Variants in CTNND2 observed in about 807,000 individuals in gnomAD.
CTNND2 encodes the protein catenin delta-2.
Under a neutral mutation model 144.4 loss-of-function variants are expected in CTNND2, and 22 were observed. The observed-to-expected ratio is 0.15, with a 90% CI of 0.11 to 0.22. The LOEUF (loss-of-function observed/expected upper bound fraction) is 0.22. CTNND2 is among the 10% of genes least tolerant of loss of function. The pLI is 1.00. For synonymous variants in CTNND2, 751 were observed against 695.6 expected (o/e 1.08, Z -1.25); for missense variants, 1,353 against 1,618.8 (o/e 0.84, Z 2.82).
intron 3 of CTNND2, among the ~76,000 whole-genome samples, chr5:11,443,448 ATGTC>A (rs1170479345): frequency 1.2e-4 from 17 of 136,274 alleles, no homozygotes; most frequent in East Asian, 8.8e-4. Flanking sequence ...TGGTGTGTGT[ATGTC>A]TGTGCGGTGT....
chr5:11,462,075 C>G (rs1766271183), intron 3 of CTNND2, among the ~76,000 whole-genome samples: 1 of 152,038 alleles, frequency 6.6e-6, no homozygotes, highest in Non-Finnish European at 1.5e-5. Context: ...AGGGCCTCCA[C>G]AGAGGGTTCC....
intron 1 of CTNND2, among the ~76,000 whole-genome samples, chr5:11,769,203 C>T (rs1480480018): frequency 6.6e-6 from 1 of 152,070 alleles, no homozygotes; most frequent in Non-Finnish European, 1.5e-5. Flanking sequence ...GCTTTGAAAA[C>T]CCAGACACAG....
At chr5:11,555,902 C>T (rs1193175139) in intron 3 of CTNND2, among the ~76,000 whole-genome samples, 1 of 152,110 alleles carries the variant, frequency 6.6e-6, no homozygotes, top group Non-Finnish European at 1.5e-5. Flanking sequence ...CAAAATATGT[C>T]TATAGTCCCT....
chr5:11,585,046 T>C (rs1289202474), intron 2 of CTNND2, among the ~76,000 whole-genome samples: 1 of 152,176 alleles, frequency 6.6e-6, no homozygotes, highest in Non-Finnish European at 1.5e-5. Context: ...ATTACAATAA[T>C]GGCCATGCTT....
chr5:11,142,756 G>A (rs945257092), intron 12 of CTNND2, among the ~76,000 whole-genome samples: 2 of 151,874 alleles, frequency 1.3e-5, no homozygotes, highest in Non-Finnish European at 2.9e-5. Flanking sequence ...TGGGACTACA[G>A]GCGCGCGCCA....
At chr5:11,293,667 G>A (rs895563597) in intron 9 of CTNND2, among the ~76,000 whole-genome samples, 7 of 150,744 alleles carry the variant, frequency 4.6e-5, no homozygotes, top group African/African-American at 2.4e-5. Context: ...AATGAAAAAA[G>A]CATTCAACAG....
chr5:11,796,336 T>A (rs1791401803), intron 1 of CTNND2, among the ~76,000 whole-genome samples: 3 of 152,222 alleles, frequency 2.0e-5, no homozygotes, highest in Non-Finnish European at 4.4e-5. Context: ...TGCCTACACA[T>A]GCTAGTCCAC....
intron 18 of CTNND2, among the ~76,000 whole-genome samples, chr5:11,001,213 G>A (rs75508333): frequency 0.015 from 2,290 of 152,244 alleles, 23 homozygotes; most frequent in Middle Eastern, 0.044. Flanking sequence ...TTTTCTACCT[G>A]TTAAATCTTA....
chr5:11,469,642 G>T (rs1766982696), intron 3 of CTNND2, among the ~76,000 whole-genome samples: 1 of 152,130 alleles, frequency 6.6e-6, no homozygotes, highest in Non-Finnish European at 1.5e-5. Context: ...CACAGTTAAG[G>T]CCAGCTTCTC....
At chr5:11,359,973 G>C (rs1756280983) in intron 8 of CTNND2, among the ~76,000 whole-genome samples, 1 of 152,134 alleles carries the variant, frequency 6.6e-6, no homozygotes, top group Non-Finnish European at 1.5e-5. Context: ...CTGCTCCTTG[G>C]ACATTACATA....
chr5:11,633,900 GGT>G (rs1347983257), intron 2 of CTNND2, among the ~76,000 whole-genome samples: 2 of 152,146 alleles, frequency 1.3e-5, no homozygotes, highest in Non-Finnish European at 2.9e-5. Context: ...AGGCTTCAGT[GGT>G]TTGGAATGGA....
chr5:11,739,437 T>C (rs539752743), intron 1 of CTNND2, among the ~76,000 whole-genome samples: 11 of 152,294 alleles, frequency 7.2e-5, no homozygotes, highest in Non-Finnish European at 1.5e-4. Flanking sequence ...AAAGGCAACC[T>C]TGCCTGCAAA....
chr5:11,031,313 G>A (rs1743452215), intron 16 of CTNND2, among the ~76,000 whole-genome samples: 1 of 152,096 alleles, frequency 6.6e-6, no homozygotes, highest in African/African-American at 2.4e-5. Flanking sequence ...TAGAGGACGG[G>A]GTCTTTTGTG....
chr5:11,350,697 T>C (rs551591650), intron 8 of CTNND2, among the ~76,000 whole-genome samples: 2 of 152,238 alleles, frequency 1.3e-5, no homozygotes, highest in Admixed American at 1.3e-4. Context: ...ATGAAAATAA[T>C]GTAAAATACC....
Position 10,973,088 on chromosome 5 carries a change from G to C in CTNND2, c.*365C>G, listed in dbSNP as rs889882699. ...TGAGAAGCCGTCCCCCACACAGTGT[G>C]TAAACTATTCTGTGTCTTGTGCTTA... On this transcript the variant is annotated 3_prime_UTR_variant, in exon 22 of 22. Coordinates refer to ENST00000304623, the MANE Select transcript of CTNND2 (RefSeq NM_001332.4). The surrounding 1 kb of genome is among the most constrained non-coding windows in gnomAD (Gnocchi z 5.6). 1 of 174,820 alleles carries C rather than the reference G, an allele frequency of 5.7e-6. No individual in the cohort carries two copies. Among genetic ancestry groups the C allele is most frequent in the African/African-American group, 2.4e-5 (1 of 42,314 alleles). The allele number at this position is 174,820 out of a possible 1,614,324, so 10.8% of individuals were successfully genotyped here. A position where few individuals can be genotyped will look rare whatever the true frequency, so the allele number is the denominator to read the frequency against.
intron 1 of CTNND2, among the ~76,000 whole-genome samples, chr5:11,774,534 A>C (rs1247360393): frequency 1.4e-5 from 2 of 140,018 alleles, no homozygotes; most frequent in African/African-American, 5.0e-5. Flanking sequence ...CATGTACCCT[A>C]AAACTTAAAG....
chr5:10,973,600 G>T lies in CTNND2; in HGVS notation c.3531C>A (p.His1177Gln), dbSNP rs1736065644. 5.0e-6 allele frequency: 8 copies of T among 1,614,078 alleles called. No individual in the cohort carries two copies. The highest frequency in any genetic ancestry group is 8.5e-7 in the Non-Finnish European group (1 of 1,180,030). Residue 1177 changes from histidine to glutamine, a missense_variant, in exon 22 of 22, where the codon CAC (histidine) becomes CAA (glutamine). Physicochemically the swap from His to Gln is conservative, Grantham distance 24 (BLOSUM62 0). Around this residue, in one of 4 missense-constraint regions of CTNND2, gnomAD observed 459 missense variants for 674.3 expected, o/e 0.68. Coordinates refer to ENST00000304623, the MANE Select transcript of CTNND2 (RefSeq NM_001332.4). The surrounding 1 kb of genome is among the most constrained non-coding windows in gnomAD (Gnocchi z 5.6). The stretch of plus-strand genomic sequence containing the variant: ...TGTACTCGCTGGCGGGAGGGCGATG[G>T]TGGACCTGGTCCTCGAAGAAGGACT... ...YDESFFEDQV[H>Q]HRPPASEYTM...
chr5:11,555,376 A>T, intron 3 of CTNND2, among the ~76,000 whole-genome samples: 1 of 152,132 alleles, frequency 6.6e-6, no homozygotes, highest in Non-Finnish European at 1.5e-5. Context: ...CTATATAGAC[A>T]TGGCTCAGTA....
intron 9 of CTNND2, among the ~76,000 whole-genome samples, chr5:11,237,120 C>T (rs1476712744): frequency 1.3e-5 from 2 of 151,368 alleles, no homozygotes; most frequent in Non-Finnish European, 1.5e-5. Flanking sequence ...CCCGGGTTCA[C>T]GCCATTCTCC....
Sources: allele counts gnomAD v4.1 joint callset (sites outside exome capture counted in the v4.1 genomes callset), GRCh38; gene constraint gnomAD v4.1.1; regional missense constraint gnomAD v4.1.1; non-coding constraint Gnocchi (gnomAD v3.1); transcripts MANE v1.5; gene names NCBI Gene and HGNC (gene_info 2026-07-23, HGNC 2026-07-21).